Variants in CAMK2D observed in about 807,000 individuals in gnomAD.
The protein encoded by CAMK2D is calcium/calmodulin-dependent protein kinase type II subunit delta.
Under a neutral mutation model 84.0 loss-of-function variants are expected in CAMK2D, and 37 were observed. That is an observed-to-expected ratio of 0.44 (90% CI 0.34 to 0.58). The LOEUF is 0.58. CAMK2D is among the 20% of genes least tolerant of loss of function. The probability of loss-of-function intolerance (pLI) is 0.02; values close to 1 mark genes in which losing one functional copy is unlikely to be tolerated. For synonymous variants in CAMK2D, 202 were observed against 212.5 expected (o/e 0.95, Z 0.43); for missense variants, 448 against 652.5 (o/e 0.69, Z 3.41).
intron 8 of CAMK2D, among the ~76,000 whole-genome samples, chr4:113,520,845 T>G (rs1364057472): frequency 1.3e-5 from 2 of 151,978 alleles, no homozygotes; most frequent in African/African-American, 4.8e-5. Flanking sequence ...CTAGCCAACA[T>G]AGCAAGACCC....
intron 2 of CAMK2D, among the ~76,000 whole-genome samples, chr4:113,694,486 G>A (rs2099397171): frequency 6.6e-6 from 1 of 152,142 alleles, no homozygotes; most frequent in African/African-American, 2.4e-5. Context: ...GCCAAGAATG[G>A]AGTTTATAAG....
At chr4:113,709,745 CGATATATATATATATATA>C (rs1389238164) in intron 2 of CAMK2D, among the ~76,000 whole-genome samples, 1 of 24,638 alleles carries the variant, frequency 4.1e-5, no homozygotes, top group African/African-American at 2.5e-4. Flanking sequence ...AAGCCGTGAA[CGATATATATATATATATA>C]TATATATATA....
intron 2 of CAMK2D, among the ~76,000 whole-genome samples, chr4:113,732,111 T>A (rs2099570436): frequency 1.3e-5 from 2 of 151,822 alleles, no homozygotes; most frequent in South Asian, 4.1e-4. Context: ...TCTTGGGACA[T>A]CAGCACTCCT....
At chr4:113,737,312 A>G (rs2099583490) in intron 2 of CAMK2D, among the ~76,000 whole-genome samples, 2 of 152,336 alleles carry the variant, frequency 1.3e-5, no homozygotes, top group African/African-American at 4.8e-5. Flanking sequence ...TTCATTCTTA[A>G]AAAGAAATAA....
intron 3 of CAMK2D, among the ~76,000 whole-genome samples, chr4:113,616,307 T>A (rs567120943): frequency 6.6e-6 from 1 of 152,258 alleles, no homozygotes; most frequent in East Asian, 1.9e-4. Context: ...CCAAGATAAG[T>A]CCTGAAGGTC....
chr4:113,688,856 A>G, intron 2 of CAMK2D, among the ~76,000 whole-genome samples: 3 of 148,660 alleles, frequency 2.0e-5, no homozygotes, highest in Non-Finnish European at 4.4e-5. Flanking sequence ...CCTATACCCC[A>G]AAATGACCAT....
chr4:113,628,620 G>C (rs1030701530), intron 3 of CAMK2D, among the ~76,000 whole-genome samples: 4 of 151,852 alleles, frequency 2.6e-5, no homozygotes, highest in Non-Finnish European at 5.9e-5. Flanking sequence ...ACATATTTGG[G>C]GCTCCCTGGC....
Position 113,753,831 on chromosome 4 carries a change from T to C in CAMK2D, c.160+5489A>G, listed in dbSNP as rs148276048. The C allele has an allele frequency of 8.6e-4, 849 of 984,168 alleles. 4 individuals are homozygous for C. In the African/African-American group the frequency reaches 0.014, roughly 16 times the overall value. The allele number at this position is 984,168 out of a possible 1,614,324, so 61.0% of individuals were successfully genotyped here. The stretch of plus-strand genomic sequence containing the variant: ...TGGTACTTAAGCCCCATCTACATTA[T>C]AGCTTTCAAAATTTCTTTAAATCAA... On this transcript the variant is annotated intron_variant, in intron 2 of 20. Coordinates refer to ENST00000511664, the MANE Select transcript of CAMK2D (RefSeq NM_001321571.2).
chr4:113,603,144 G>T (rs945998629), intron 4 of CAMK2D, among the ~76,000 whole-genome samples: 2 of 151,964 alleles, frequency 1.3e-5, no homozygotes, highest in African/African-American at 4.8e-5. Flanking sequence ...ACCCTGGAAA[G>T]GATTATTTGA....
chr4:113,724,738 G>A (rs556202210), intron 2 of CAMK2D, among the ~76,000 whole-genome samples: 2 of 151,550 alleles, frequency 1.3e-5, no homozygotes, highest in Admixed American at 1.3e-4. Context: ...TGCTTTCCTT[G>A]GTTAATTTCT....
chr4:113,519,341 G>A (rs1412507031), intron 8 of CAMK2D, among the ~76,000 whole-genome samples: 4 of 152,116 alleles, frequency 2.6e-5, no homozygotes, highest in Non-Finnish European at 5.9e-5. Flanking sequence ...AGTTGATGTG[G>A]TGCTTCTCTG....
chr4:113,561,443 C>T (rs1345256964), intron 4 of CAMK2D, among the ~76,000 whole-genome samples: 1 of 152,158 alleles, frequency 6.6e-6, no homozygotes, highest in Non-Finnish European at 1.5e-5. Flanking sequence ...CACTGCACTT[C>T]AGCCTGGGAG....
At chr4:113,618,567 T>C (rs2099031370) in intron 3 of CAMK2D, among the ~76,000 whole-genome samples, 1 of 152,192 alleles carries the variant, frequency 6.6e-6, no homozygotes, top group Non-Finnish European at 1.5e-5. Context: ...TTTAAAATCC[T>C]AATACATGTT....
chr4:113,667,230 T>C (rs1250473986), intron 2 of CAMK2D, among the ~76,000 whole-genome samples: 2 of 152,218 alleles, frequency 1.3e-5, no homozygotes, highest in Admixed American at 1.3e-4. Flanking sequence ...CTGTTAGTGC[T>C]GTGAATGGCT....
At chr4:113,712,789 GA>G (rs1254302482) in intron 2 of CAMK2D, among the ~76,000 whole-genome samples, 2 of 151,528 alleles carry the variant, frequency 1.3e-5, no homozygotes, top group Admixed American at 6.6e-5. Flanking sequence ...AAAAAAAAGG[GA>G]AAAAAAGTCA....
chr4:113,698,425 T>C (rs1164235169), intron 2 of CAMK2D, among the ~76,000 whole-genome samples: 1 of 152,122 alleles, frequency 6.6e-6, no homozygotes, highest in Non-Finnish European at 1.5e-5. Context: ...TAGATGTACC[T>C]TGTACAGTTT....
intron 5 of CAMK2D, 26 bp from the exon 6 acceptor site, chr4:113,547,742 T>A (rs755261266): frequency 6.7e-7 from 1 of 1,491,358 alleles, no homozygotes; most frequent in African/African-American, 1.4e-5. Flanking sequence ...AGGGGGCGTG[T>A]GTTAGTTCCA....
chr4:113,580,535 T>C (rs2098803150), intron 4 of CAMK2D, among the ~76,000 whole-genome samples: 1 of 152,184 alleles, frequency 6.6e-6, no homozygotes, highest in Admixed American at 6.5e-5. Context: ...ACAATTACCT[T>C]ATGATTACTT....
At chr4:113,689,228 G>C (rs2099374319) in intron 2 of CAMK2D, among the ~76,000 whole-genome samples, 2 of 151,972 alleles carry the variant, frequency 1.3e-5, no homozygotes, top group Non-Finnish European at 2.9e-5. Flanking sequence ...CCTGGCAACA[G>C]AGCGAGACTC....
Sources: allele counts gnomAD v4.1 joint callset (sites outside exome capture counted in the v4.1 genomes callset), GRCh38; gene constraint gnomAD v4.1.1; transcripts MANE v1.5; gene names NCBI Gene and HGNC (gene_info 2026-07-23, HGNC 2026-07-21).